Variants in PFDN1 observed in about 807,000 individuals in gnomAD.
PFDN1 encodes the protein prefoldin 1.
Under a neutral mutation model 17.3 loss-of-function variants are expected in PFDN1, and 6 were observed. The observed-to-expected ratio is 0.35, with a 90% CI of 0.19 to 0.69. The LOEUF is 0.69. PFDN1 is among the 30% of genes least tolerant of loss of function. PFDN1 has a pLI of 0.65. For missense variants in PFDN1, 113 were observed against 146.2 expected, an observed-to-expected ratio of 0.77 and a Z score of 1.17; for synonymous variants, 58 against 50.1, an observed-to-expected ratio of 1.16 and a Z score of -0.67.
Position 140,277,463 on chromosome 5 carries a change from A to C in PFDN1, c.285+3986T>G, listed in dbSNP as rs529749035. Among the ~76,000 whole-genome samples the C allele has an allele frequency of 5.3e-5, 8 of 152,284 alleles. No homozygotes were observed. In the East Asian group the frequency reaches 7.7e-4, roughly 15 times the overall value. On this transcript the variant is annotated intron_variant, in intron 3 of 3. Coordinates refer to ENST00000261813, the MANE Select transcript of PFDN1 (RefSeq NM_002622.5). ...CCAAAAGGAAATATCATTAATAAAC[A>C]AAATAAGGAAGAAGTAATCTTCAGA...
intron 3 of PFDN1, among the ~76,000 whole-genome samples, chr5:140,271,915 TACAC>T (rs989572691): frequency 2.7e-4 from 41 of 149,714 alleles, no homozygotes; most frequent in Non-Finnish European, 5.2e-4. Context: ...ATTATATATA[TACAC>T]ACACATATAT....
chr5:140,245,405 G>A lies in PFDN1; in HGVS notation c.*569C>T. The A allele has an allele frequency of 1.4e-6, 1 of 701,564 alleles. No homozygotes were observed. The highest frequency in any genetic ancestry group is 2.6e-6 in the Non-Finnish European group (1 of 384,474). The allele number at this position is 701,564 out of a possible 1,614,324, so 43.5% of individuals were successfully genotyped here. A position where few individuals can be genotyped will look rare whatever the true frequency, so the allele number is the denominator to read the frequency against. On this transcript the variant is annotated 3_prime_UTR_variant, in exon 4 of 4. Coordinates refer to ENST00000261813, the MANE Select transcript of PFDN1 (RefSeq NM_002622.5). Reference sequence around the variant, plus strand: ...TCCAGGGACTGCTATTCTGTTCACTGAGATTCAGCTGTGAACATCTGTTCT... The same window carrying A: ...TCCAGGGACTGCTATTCTGTTCACTAAGATTCAGCTGTGAACATCTGTTCT...
chr5:140,257,390 T>C (rs189553169), intron 3 of PFDN1, among the ~76,000 whole-genome samples: 130 of 152,286 alleles, frequency 8.5e-4, no homozygotes, highest in African/African-American at 2.9e-3. Context: ...AGCAGACTTA[T>C]TTCTGTCTTA....
At chr5:140,290,920 T>C (rs1264507664) in intron 2 of PFDN1, among the ~76,000 whole-genome samples, 1 of 152,028 alleles carries the variant, frequency 6.6e-6, no homozygotes, top group Non-Finnish European at 1.5e-5. Flanking sequence ...TGAGGTACGA[T>C]GAAGAAAAAT....
chr5:140,247,095 A>T (rs4913078), intron 3 of PFDN1, among the ~76,000 whole-genome samples: 35,155 of 152,090 alleles, frequency 0.23, 4,099 homozygotes, highest in African/African-American at 0.25. Context: ...GGGAGAGTTT[A>T]GGGCAGAGGA....
At chr5:140,279,995 C>CAAAAAAAAA (rs772575762) in intron 3 of PFDN1, among the ~76,000 whole-genome samples, 9 of 31,228 alleles carry the variant, frequency 2.9e-4, no homozygotes, top group Non-Finnish European at 4.3e-4. Flanking sequence ...AACTCCGTCT[C>CAAAAAAAAA]AAAAAAAAAA....
intron 2 of PFDN1, among the ~76,000 whole-genome samples, chr5:140,286,063 T>C (rs1253752388): frequency 1.3e-5 from 2 of 152,098 alleles, no homozygotes; most frequent in South Asian, 2.1e-4. Context: ...TTTATTGACA[T>C]GTAAAGATGT....
At chr5:140,276,452 G>C (rs1044323610) in intron 3 of PFDN1, among the ~76,000 whole-genome samples, 1 of 152,124 alleles carries the variant, frequency 6.6e-6, no homozygotes, top group Non-Finnish European at 1.5e-5. Flanking sequence ...ACTTTTCGAA[G>C]ATCTAGCAGA....
intron 3 of PFDN1, among the ~76,000 whole-genome samples, chr5:140,261,806 C>G (rs766112791): frequency 2.3e-4 from 35 of 152,020 alleles, no homozygotes; most frequent in Non-Finnish European, 4.7e-4. Context: ...ACAAGCAACC[C>G]AGGATCTTTG....
chr5:140,292,479 G>A (rs1409607379), intron 2 of PFDN1, among the ~76,000 whole-genome samples: 1 of 152,144 alleles, frequency 6.6e-6, no homozygotes, highest in East Asian at 1.9e-4. Flanking sequence ...GGGCAGTCAT[G>A]CTCTTATCTA....
intron 3 of PFDN1, among the ~76,000 whole-genome samples, chr5:140,263,089 C>T (rs1765086305): frequency 6.6e-6 from 1 of 152,202 alleles, no homozygotes. Flanking sequence ...AATGTTTATC[C>T]TCACCTCCAG....
In PFDN1 at chr5:140,302,894, G is replaced by T. The variant is rs1423392631; in HGVS notation, c.33+147C>A. 1.2e-5 allele frequency: 9 copies of T among 721,356 alleles called. No homozygotes were observed. The East Asian group carries it at 2.2e-4, about 18-fold the overall frequency. The allele number at this position is 721,356 out of a possible 1,614,324, so 44.7% of individuals were successfully genotyped here. On this transcript the variant is annotated intron_variant, in intron 1 of 3. Transcript: ENST00000261813. ...CCCCCACCCCGTTTATGGAGACCCA[G>T]TGAGGCCTTAGGACTCTGGGAAACC... is the stretch of plus-strand genomic sequence containing the variant.
At chr5:140,285,959 C>A (rs552250191) in intron 2 of PFDN1, among the ~76,000 whole-genome samples, 2 of 151,906 alleles carry the variant, frequency 1.3e-5, no homozygotes, top group East Asian at 3.9e-4. Flanking sequence ...GGCAACATAG[C>A]AATGCCCCAT....
rs1765678546 is a variant in PFDN1, at chr5:140,297,976, AGG to A, written c.200+2438_200+2439del. On this transcript the variant is annotated intron_variant, in intron 2 of 3. Transcript: ENST00000261813. ...GCTGGCATTACTGTTTTAAGACCTA[AGG>A]ATATTCACATTAAGGATAAAATTAT... 6.6e-5 allele frequency among the ~76,000 whole-genome samples: 10 copies of A among 152,338 alleles called. No homozygotes were observed. In the South Asian group the frequency reaches 2.1e-3, roughly 32 times the overall value.
chr5:140,293,995 T>C (rs1193067407), intron 2 of PFDN1, among the ~76,000 whole-genome samples: 1 of 152,090 alleles, frequency 6.6e-6, no homozygotes, highest in Non-Finnish European at 1.5e-5. Flanking sequence ...CATGTTCTAT[T>C]AGTAAAAGCA....
rs565257530 is a variant in PFDN1, at chr5:140,260,108, T to C, written c.286-14051A>G. ...ATCCCAGCACTTTGGAAGGCCAACA[T>C]GGGAGGATCATTTGAGCTCAGGAAT... is the stretch of plus-strand genomic sequence containing the variant. On this transcript the variant is annotated intron_variant, in intron 3 of 3. Coordinates refer to ENST00000261813, the MANE Select transcript of PFDN1 (RefSeq NM_002622.5). 2.6e-5 allele frequency among the ~76,000 whole-genome samples: 4 copies of C among 152,142 alleles called. No homozygotes were observed. In the East Asian group the frequency reaches 5.8e-4, roughly 22 times the overall value.
intron 2 of PFDN1, chr5:140,293,031 A>G (rs1765601505): frequency 1.3e-5 from 2 of 152,060 alleles, no homozygotes; most frequent in African/African-American, 4.8e-5. Context: ...CTATGAGATA[A>G]GTGGCAGCTA....
At chr5:140,264,137 A>G (rs1347589560) in intron 3 of PFDN1, among the ~76,000 whole-genome samples, 1 of 151,402 alleles carries the variant, frequency 6.6e-6, no homozygotes, top group Non-Finnish European at 1.5e-5. Context: ...GAAGTTCCAG[A>G]CATTTAAACA....
intron 3 of PFDN1, among the ~76,000 whole-genome samples, chr5:140,276,287 C>CA (rs1561506848): frequency 6.6e-6 from 1 of 152,098 alleles, no homozygotes; most frequent in East Asian, 1.9e-4. Flanking sequence ...AAGAAACTAA[C>CA]AGAGTAACCA....
Sources: allele counts gnomAD v4.1 joint callset (sites outside exome capture counted in the v4.1 genomes callset), GRCh38; gene constraint gnomAD v4.1.1; transcripts MANE v1.5; gene names NCBI Gene and HGNC (gene_info 2026-07-23, HGNC 2026-07-21).